EXTL3: variants seen among roughly 807,000 people sequenced by gnomAD.
The protein encoded by EXTL3 is exostosin-like 3.
A neutral mutation model predicts 69.3 loss-of-function variants in EXTL3; 27 were observed. That is an observed-to-expected ratio of 0.39 (90% CI 0.29 to 0.54). The LOEUF is 0.54. Among genes scored for constraint, EXTL3 ranks in the 20% least tolerant of loss-of-function variants. The pLI is 0.69. For synonymous variants in EXTL3, 511 were observed against 499.4 expected (o/e 1.02, Z -0.31); for missense variants, 1,003 against 1,231.8 (o/e 0.81, Z 2.78).
chr8:28,625,382 A>T (rs1467050764), intron 1 of EXTL3, among the ~76,000 whole-genome samples: 1 of 152,254 alleles, frequency 6.6e-6, no homozygotes, highest in Non-Finnish European at 1.5e-5. Context: ...GGAAAAAGGA[A>T]CGCAGAAAGA....
chr8:28,701,740 C>T (rs1262038891), intron 1 of EXTL3, 81 bp downstream of exon 1: 1 of 153,050 alleles, frequency 6.5e-6, no homozygotes, highest in East Asian at 1.9e-4. Context: ...GGGGCTGGCC[C>T]CGAGCGCTGG....
At chr8:28,745,334 G>A (rs182372965) in intron 6 of EXTL3, among the ~76,000 whole-genome samples, 173 of 152,328 alleles carry the variant, frequency 1.1e-3, no homozygotes, top group Admixed American at 2.7e-3. Flanking sequence ...TTGTCCCAGG[G>A]TTTCATCTGT....
intron 5 of EXTL3, among the ~76,000 whole-genome samples, chr8:28,738,201 C>T (rs1801691695): frequency 6.6e-6 from 1 of 152,174 alleles, no homozygotes; most frequent in Non-Finnish European, 1.5e-5. Context: ...CTCTACTGTT[C>T]TGTATTCTGT....
intron 1 of EXTL3, among the ~76,000 whole-genome samples, chr8:28,679,699 A>C (rs943824125): frequency 1.1e-4 from 16 of 149,682 alleles, no homozygotes; most frequent in Non-Finnish European, 2.1e-4. Flanking sequence ...TTCCAGCTTG[A>C]GTGACAAAGC....
chr8:28,737,579 C>T lies in EXTL3; in HGVS notation c.2337C>T (p.Asp779=), dbSNP rs1238458766. 5 of 1,613,938 alleles carry T rather than the reference C, an allele frequency of 3.1e-6. No homozygotes were observed. Among genetic ancestry groups the T allele is most frequent in the African/African-American group, 2.7e-5 (2 of 74,922 alleles). Residue 779 remains aspartate, a synonymous_variant, in exon 5 of 7, where the codon GAC becomes GAT. Coordinates refer to ENST00000220562, the MANE Select transcript of EXTL3 (RefSeq NM_001440.4). ...TCCCTGGCCGTTACCACGCATGGGA[C>T]ATCCCCCATCAGTCCTGGCTCTACA... ...VGFPGRYHAW[D]IPHQSWLYNS...
chr8:28,678,600 A>G (rs1380147621), intron 1 of EXTL3, among the ~76,000 whole-genome samples: 1 of 152,168 alleles, frequency 6.6e-6, no homozygotes, highest in African/African-American at 2.4e-5. Flanking sequence ...CCCTCACCAG[A>G]TGCAGATGCT....
chr8:28,683,095 C>T (rs749546213), intron 1 of EXTL3, among the ~76,000 whole-genome samples: 4 of 152,218 alleles, frequency 2.6e-5, no homozygotes, highest in East Asian at 3.9e-4. Flanking sequence ...TTTCTGGGCT[C>T]TCTATTCTGT....
At chr8:28,625,069 T>TA (rs1241021834) in intron 1 of EXTL3, among the ~76,000 whole-genome samples, 5 of 152,220 alleles carry the variant, frequency 3.3e-5, no homozygotes, top group African/African-American at 4.8e-5. Flanking sequence ...AGGTAAACTT[T>TA]AAAAACTGAC....
At chr8:28,619,311 A>AAAAAAAAAAAAAAAAAAAAAC (rs1478312916), upstream of EXTL3, among the ~76,000 whole-genome samples, 1 of 121,472 alleles carries the variant, frequency 8.2e-6, no homozygotes, top group African/African-American at 3.4e-5. Flanking sequence ...AAAAAAAAAA[A>AAAAAAAAAAAAAAAAAAAAAC]AAAACCCTGT....
chr8:28,634,481 C>T (rs1585223218), intron 1 of EXTL3, among the ~76,000 whole-genome samples: 1 of 152,160 alleles, frequency 6.6e-6, no homozygotes, highest in Non-Finnish European at 1.5e-5. Flanking sequence ...CACACCTTCC[C>T]AACCTGGCGG....
intron 3 of EXTL3, 34 bp from the exon 4 acceptor site, chr8:28,731,189 C>T (rs1326889523): frequency 6.2e-7 from 1 of 1,613,972 alleles, no homozygotes; most frequent in South Asian, 1.1e-5. Flanking sequence ...ATAACACAGC[C>T]TTAATTTTTA....
chr8:28,740,692 A>G (rs1026305898), intron 5 of EXTL3: 1 of 152,126 alleles, frequency 6.6e-6, no homozygotes, highest in Admixed American at 6.5e-5. Context: ...TTTTAAAATC[A>G]TAAGTGCCTG....
At chr8:28,756,177 C>A (rs1265465964), downstream of EXTL3, among the ~76,000 whole-genome samples, 3 of 152,208 alleles carry the variant, frequency 2.0e-5, no homozygotes, top group East Asian at 3.9e-4. Flanking sequence ...ACCTGTGTAA[C>A]CCAGACCCCT....
intron 6 of EXTL3, among the ~76,000 whole-genome samples, chr8:28,748,934 C>T (rs926322274): frequency 2.0e-5 from 3 of 151,922 alleles, no homozygotes; most frequent in Non-Finnish European, 4.4e-5. Flanking sequence ...TATGGGGAGT[C>T]CCCAGGGAAA....
chr8:28,626,241 A>G (rs1477336353), intron 1 of EXTL3, among the ~76,000 whole-genome samples: 1 of 152,210 alleles, frequency 6.6e-6, no homozygotes, highest in African/African-American at 2.4e-5. Flanking sequence ...TATGAGGCCT[A>G]GAAAGATATA....
At chr8:28,633,506 C>T (rs963793287) in intron 1 of EXTL3, among the ~76,000 whole-genome samples, 6 of 151,740 alleles carry the variant, frequency 4.0e-5, no homozygotes, top group Non-Finnish European at 8.8e-5. Flanking sequence ...TGGTGTTGGG[C>T]GCCTGTAGTC....
chr8:28,686,827 G>T (rs935170637), intron 1 of EXTL3, among the ~76,000 whole-genome samples: 20 of 152,214 alleles, frequency 1.3e-4, no homozygotes, highest in Non-Finnish European at 2.4e-4. Flanking sequence ...CTTACTGTGT[G>T]CCAGCTATTT....
At chr8:28,742,139 C>T (rs1320729164) in intron 5 of EXTL3, 1 of 152,142 alleles carries the variant, frequency 6.6e-6, no homozygotes, top group East Asian at 1.9e-4. Flanking sequence ...GTAATTTCAA[C>T]ATCAACAGTA....
At chr8:28,737,105 A>G (rs958668247) in intron 4 of EXTL3, among the ~76,000 whole-genome samples, 18 of 152,180 alleles carry the variant, frequency 1.2e-4, no homozygotes, top group African/African-American at 4.1e-4. Flanking sequence ...CCATCCCACC[A>G]AGCCCTTTCT....
Sources: allele counts gnomAD v4.1 joint callset (sites outside exome capture counted in the v4.1 genomes callset), GRCh38; gene constraint gnomAD v4.1.1; transcripts MANE v1.5; gene names NCBI Gene and HGNC (gene_info 2026-07-23, HGNC 2026-07-21).